ZNF362: variants seen among roughly 807,000 people sequenced by gnomAD.
ZNF362 encodes rotund homolog.
In ZNF362, 11 loss-of-function variants were observed where a neutral mutation model predicts 42.9. The observed-to-expected ratio is 0.26, with a 90% CI of 0.16 to 0.42. The LOEUF (loss-of-function observed/expected upper bound fraction) is 0.42, where lower values mean the gene tolerates loss of function less well. Among genes scored for constraint, ZNF362 ranks in the 20% least tolerant of loss-of-function variants. The pLI is 1.00. For missense variants in ZNF362, 362 were observed against 576.2 expected, an observed-to-expected ratio of 0.63 and a Z score of 3.81; for synonymous variants, 255 against 257.3, an observed-to-expected ratio of 0.99 and a Z score of 0.09.
At chr1:33,238,390 TA>T in the ZNF362 span, among the ~76,000 whole-genome samples, 1 of 144,736 alleles carries the variant, frequency 6.9e-6, no homozygotes, top group Admixed American at 6.9e-5. Context: ...ATAAATAAAA[TA>T]AAATAAAATA....
chr1:33,293,152 G>A (rs188072790), intron 6 of ZNF362, among the ~76,000 whole-genome samples: 5 of 152,318 alleles, frequency 3.3e-5, no homozygotes, highest in Admixed American at 1.3e-4. Flanking sequence ...TGAGCAGTTC[G>A]CTCGGGAGAT....
chr1:33,240,807 A>T, the ZNF362 span, among the ~76,000 whole-genome samples: 1 of 152,312 alleles, frequency 6.6e-6, no homozygotes, highest in South Asian at 2.1e-4. Context: ...TACAATTCTG[A>T]CATTCTATGT....
the ZNF362 span, among the ~76,000 whole-genome samples, chr1:33,186,188 G>A: frequency 6.6e-6 from 1 of 152,132 alleles, no homozygotes; most frequent in Non-Finnish European, 1.5e-5. Context: ...AGCTGAAGGT[G>A]AACAAAGGGA....
the ZNF362 span, among the ~76,000 whole-genome samples, chr1:33,180,387 T>G: frequency 6.6e-6 from 1 of 152,112 alleles, no homozygotes; most frequent in Non-Finnish European, 1.5e-5. Context: ...GATCTCAGTC[T>G]TAACCCCTCA....
the ZNF362 span, among the ~76,000 whole-genome samples, chr1:33,214,389 C>A: frequency 6.6e-5 from 10 of 152,256 alleles, no homozygotes; most frequent in African/African-American, 1.7e-4. Context: ...AACTGTGAAA[C>A]TACTAAAAGG....
At chr1:33,128,072 A>G in the ZNF362 span, among the ~76,000 whole-genome samples, 1 of 152,110 alleles carries the variant, frequency 6.6e-6, no homozygotes, top group African/African-American at 2.4e-5. Flanking sequence ...AAATAAATTT[A>G]ACATATTTAG....
the ZNF362 span, chr1:33,158,278 C>G: frequency 6.2e-7 from 1 of 1,614,052 alleles, no homozygotes; most frequent in Non-Finnish European, 8.5e-7. Flanking sequence ...GGAACAGGGA[C>G]TTCCAGATGG....
chr1:33,169,478 T>C, the ZNF362 span, among the ~76,000 whole-genome samples: 3 of 152,210 alleles, frequency 2.0e-5, no homozygotes, highest in Admixed American at 6.5e-5. Flanking sequence ...CCAAGTGCCC[T>C]GCACAGCAGC....
chr1:33,205,135 T>TTGTGTG, the ZNF362 span, among the ~76,000 whole-genome samples: 1 of 151,134 alleles, frequency 6.6e-6, no homozygotes, highest in Non-Finnish European at 1.5e-5. Flanking sequence ...CTGTGTGTTT[T>TTGTGTG]TGTGTGTGTG....
intron 1 of ZNF362, among the ~76,000 whole-genome samples, chr1:33,258,640 G>T (rs1276424364): frequency 6.6e-6 from 1 of 152,158 alleles, no homozygotes; most frequent in East Asian, 1.9e-4. Context: ...TCCCTCCACT[G>T]TTCTCCATGA....
rs558317449 is a variant in ZNF362 at position 33,276,618 on chromosome 1, C to T, written c.349+24C>T. 552 of 1,314,882 alleles carry T rather than the reference C, an allele frequency of 4.2e-4. 5 individuals carry two copies. In the African/African-American group the frequency reaches 7.2e-3, roughly 17 times the overall value. 81.5% of individuals were successfully genotyped at this position (1,314,882 alleles called of 1,614,324 possible). The stretch of plus-strand genomic sequence containing the variant: ...AGGTAGGCCGAGCGGGCGGGGCCGG[C>T]GGGGCCGGTGAGGACTGGGCAGGAG... On this transcript the variant is annotated intron_variant, in intron 4 of 8. Coordinates refer to ENST00000539719, the MANE Select transcript of ZNF362 (RefSeq NM_152493.3).
the ZNF362 span, among the ~76,000 whole-genome samples, chr1:33,236,286 CAA>C: frequency 6.6e-6 from 1 of 151,434 alleles, no homozygotes; most frequent in Non-Finnish European, 1.5e-5. Context: ...CTAATGCCTG[CAA>C]TCCCAGTACT....
chr1:33,174,271 T>A, the ZNF362 span, among the ~76,000 whole-genome samples: 1 of 151,944 alleles, frequency 6.6e-6, no homozygotes, highest in Non-Finnish European at 1.5e-5. Flanking sequence ...AGTTTCAACC[T>A]CCTGGGCTCA....
the ZNF362 span, among the ~76,000 whole-genome samples, chr1:33,157,198 T>C: frequency 6.6e-6 from 1 of 152,182 alleles, no homozygotes; most frequent in Non-Finnish European, 1.5e-5. Flanking sequence ...TGGCCACTGC[T>C]ACCTTCTCAG....
chr1:33,275,279 C>T, intron 2 of ZNF362: 1 of 985,450 alleles, frequency 1.0e-6, no homozygotes, highest in Non-Finnish European at 1.2e-6. Flanking sequence ...TCATACTGCC[C>T]TGGTTGAAAA....
chr1:33,211,746 G>A, the ZNF362 span, among the ~76,000 whole-genome samples: 1 of 152,030 alleles, frequency 6.6e-6, no homozygotes, highest in African/African-American at 2.4e-5. Flanking sequence ...AATCTTTGTG[G>A]TGTTCTCTGC....
chr1:33,232,553 G>A, the ZNF362 span, among the ~76,000 whole-genome samples: 4 of 152,260 alleles, frequency 2.6e-5, no homozygotes, highest in Admixed American at 6.5e-5. Context: ...GAGCCACCGC[G>A]CCCGGCCAGA....
intron 1 of ZNF362, among the ~76,000 whole-genome samples, chr1:33,263,277 C>A (rs1264566287): frequency 6.6e-6 from 1 of 152,238 alleles, no homozygotes; most frequent in East Asian, 1.9e-4. Flanking sequence ...CCTTCATTCA[C>A]TAGTATTTCT....
the ZNF362 span, among the ~76,000 whole-genome samples, chr1:33,203,916 G>A: frequency 2.6e-5 from 4 of 152,030 alleles, no homozygotes; most frequent in Non-Finnish European, 5.9e-5. Flanking sequence ...CTCCCATTTT[G>A]TATGCTGCCT....
Sources: gnomAD v4.1 joint callset for allele counts (sites outside exome capture counted in the v4.1 genomes callset) on GRCh38, gnomAD v4.1.1 for gene constraint, MANE v1.5 for transcripts, NCBI Gene and HGNC (gene_info 2026-07-23, HGNC 2026-07-21) for gene names.